Variants in ASL observed in about 807,000 individuals in gnomAD.
ASL encodes the protein argininosuccinase.
In ASL, 51 loss-of-function variants were observed where a neutral mutation model predicts 69.1. The observed-to-expected ratio is 0.74, with a 90% CI of 0.59 to 0.93. The LOEUF (loss-of-function observed/expected upper bound fraction) is 0.93, where lower values mean the gene tolerates loss of function less well. ASL is among the 40% of genes least tolerant of loss of function. The pLI is 0.00. For synonymous variants in ASL, 241 were observed against 247.6 expected (o/e 0.97, Z 0.25); for missense variants, 540 against 623.9 (o/e 0.87, Z 1.43).
chr7:66,088,746 C>T, intron 10 of ASL, 61 bp from the exon 11 acceptor site: 8 of 1,447,446 alleles, frequency 5.5e-6, no homozygotes, highest in Admixed American at 1.8e-5. Flanking sequence ...CTCCTGCCCC[C>T]TGTATGGTCA....
intron 3 of ASL, 95 bp from the exon 4 acceptor site, chr7:66,082,272 AG>A: frequency 7.6e-7 from 1 of 1,315,178 alleles, no homozygotes; most frequent in Non-Finnish European, 1.1e-6. Flanking sequence ...GGGCAGGGAC[AG>A]TCAGTCACCA....
chr7:66,087,474 G>A, intron 9 of ASL, 88 bp downstream of exon 9: 1 of 1,488,132 alleles, frequency 6.7e-7, no homozygotes, highest in East Asian at 2.3e-5. Context: ...GAGGGCAGGG[G>A]CCTGTGGCTC....
Position 66,092,898 on chromosome 7 carries a change from G to C in ASL, c.1381G>C (p.Ala461Pro), listed in dbSNP as rs764083025. 11 of 1,608,446 alleles carry C rather than the reference G, an allele frequency of 6.8e-6. No individual in the cohort carries two copies. The highest frequency in any genetic ancestry group is 8.5e-6 in the Non-Finnish European group (10 of 1,179,824). Residue 461 changes from alanine to proline, a missense_variant, in exon 17 of 17, where the codon GCA (alanine) becomes CCA (proline). Physicochemically the swap from Ala to Pro is conservative, Grantham distance 27. Coordinates refer to ENST00000304874, the MANE Select transcript of ASL (RefSeq NM_000048.4). ...CCGCCAGGTGCGGGCGCTACTGCAGGCACAGCAGGCCTAGGTCCTCCCACA... is the reference window on the plus strand; with the variant it reads ...CCGCCAGGTGCGGGCGCTACTGCAGCCACAGCAGGCCTAGGTCCTCCCACA... The part of the protein sequence containing the change: ...QIRQVRALLQ[A>P]QQA
Position 66,086,816 on chromosome 7 carries a change from G to C in ASL, c.597G>C (p.Leu199=), listed in dbSNP as rs1268487200. 1 of 1,575,714 alleles carries C rather than the reference G, an allele frequency of 6.3e-7. No individual in the cohort carries two copies. The highest frequency in any genetic ancestry group is 8.6e-7 in the Non-Finnish European group (1 of 1,161,234). ...EVRKRINVLP[L]GSGAIAGNPL... is the part of the protein sequence containing the mutation. ...GGAAGCGGATCAATGTCCTGCCCCT[G>C]GGGAGGTGGGTGAGGCTCCAGTGCC... Residue 199 remains leucine, a synonymous_variant, in exon 8 of 17, where the codon CTG becomes CTC. Transcript: ENST00000304874.
rs727503811 is a variant in ASL, at chr7:66,086,641, G to T, written c.503G>T (p.Arg168Leu). The change falls in exon 7 of 17, where the codon CGC becomes CTC. Residue 168 changes from arginine to leucine, a missense_variant. Transcript: ENST00000304874. ...YTHLQRAQPI[R>L]WSHWILSHAV... The stretch of plus-strand genomic sequence containing the variant: ...CATTTGCAGAGGGCCCAGCCCATCC[G>T]CTGGAGCCACTGGATTCTGAGGTGA... The T allele has an allele frequency of 1.2e-6, 2 of 1,613,834 alleles. No homozygotes were observed. The highest frequency in any genetic ancestry group is 1.1e-5 in the South Asian group (1 of 91,082).
At chr7:66,082,247 C>T in intron 3 of ASL, 121 bp from the exon 4 acceptor site, 1 of 1,192,738 alleles carries the variant, frequency 8.4e-7, no homozygotes, top group Non-Finnish European at 1.2e-6. Context: ...GGTGCGCTTC[C>T]AGGACTCAGC....
At chr7:66,081,556 G>T (rs947918044) in intron 2 of ASL, among the ~76,000 whole-genome samples, 1 of 151,090 alleles carries the variant, frequency 6.6e-6, no homozygotes, top group South Asian at 2.1e-4. Context: ...CTCCAGCCTG[G>T]CCGACAAAGT....
intron 2 of ASL, among the ~76,000 whole-genome samples, chr7:66,080,501 T>A (rs2115683083): frequency 6.6e-6 from 1 of 150,642 alleles, no homozygotes; most frequent in East Asian, 2.0e-4. Flanking sequence ...GGTCAGGGGA[T>A]CACCTGAGAT....
At chr7:66,081,776 A>G in intron 2 of ASL, 27 bp from the exon 3 acceptor site, 1 of 1,608,572 alleles carries the variant, frequency 6.2e-7, no homozygotes, top group Non-Finnish European at 8.5e-7. Flanking sequence ...TGGAGGAGAG[A>G]CTAATTGTTC....
intron 13 of ASL, 68 bp from the exon 14 acceptor site, chr7:66,089,544 G>T (rs1270910533): frequency 6.4e-7 from 1 of 1,551,440 alleles, no homozygotes; most frequent in Non-Finnish European, 8.9e-7. Flanking sequence ...CAGTGGGGGG[G>T]TGGGGCTGTG....
At chr7:66,092,172 C>G (rs1173311500) in intron 15 of ASL, 86 bp downstream of exon 15, 2 of 1,506,842 alleles carry the variant, frequency 1.3e-6, no homozygotes, top group East Asian at 4.5e-5. Flanking sequence ...GTGCAAGCGG[C>G]CCAGCCTGGT....
At chr7:66,091,802 A>C in intron 14 of ASL, 1 of 609,444 alleles carries the variant, frequency 1.6e-6, no homozygotes. Flanking sequence ...AGTAAAACAT[A>C]CAGGCCAGTA....
intron 2 of ASL, 99 bp from the exon 3 acceptor site, chr7:66,081,704 T>A (rs752589473): frequency 5.8e-6 from 8 of 1,388,764 alleles, no homozygotes; most frequent in Non-Finnish European, 5.9e-6. Flanking sequence ...CTGATGCCCC[T>A]GCTACCATCA....
At position 66,091,658 on chromosome 7, in the gene ASL, G is replaced by A. The variant is rs544429967; in HGVS notation, c.1063-348G>A. 1.5e-5 allele frequency: 5 copies of A among 323,090 alleles called. No homozygotes were observed. The East Asian group carries it at 2.2e-4, about 14-fold the overall frequency. The allele number at this position is 323,090 out of a possible 1,614,324, so 20.0% of individuals were successfully genotyped here. A position where few individuals can be genotyped will look rare whatever the true frequency, so the allele number is the denominator to read the frequency against. ...CTGGAAGATCCCTTGAGTCCAGGCT[G>A]CAGAGGGCTATAATGGCCACTGCAC... On this transcript the variant is annotated intron_variant, in intron 14 of 16. Transcript: ENST00000304874.
In ASL at chr7:66,086,251, C is replaced by T. The variant is rs186589006; in HGVS notation, c.447-334C>T. On this transcript the variant is annotated intron_variant, in intron 6 of 16. Transcript: ENST00000304874. ...TAGGGTCCTCAAACGAAACCTCCCA[C>T]GGCCAAGTCATACCCAACATGGGCC... Among the ~76,000 whole-genome samples the T allele has an allele frequency of 4.6e-5, 7 of 152,276 alleles. No homozygotes were observed. The East Asian group carries it at 9.7e-4, about 21-fold the overall frequency.
intron 8 of ASL, 76 bp downstream of exon 8, chr7:66,086,897 A>G (rs1786681312): frequency 6.7e-7 from 1 of 1,499,028 alleles, no homozygotes; most frequent in African/African-American, 1.4e-5. Context: ...CAGAGCTGGG[A>G]AGTGCAGAGT....
At chr7:66,080,216 G>GAA (rs1195022034) in intron 2 of ASL, among the ~76,000 whole-genome samples, 49 of 144,400 alleles carry the variant, frequency 3.4e-4, no homozygotes, top group African/African-American at 1.2e-3. Flanking sequence ...CGTCTCTACT[G>GAA]AAAAAAAAAA....
intron 14 of ASL, chr7:66,091,615 C>G (rs1786844927): frequency 7.2e-6 from 2 of 276,354 alleles, no homozygotes; most frequent in Non-Finnish European, 1.4e-5. Context: ...GTAGTCCCAG[C>G]TACTTGGGAG....
At chr7:66,091,029 T>C (rs546638357) in intron 14 of ASL, among the ~76,000 whole-genome samples, 1 of 139,054 alleles carries the variant, frequency 7.2e-6, no homozygotes, top group African/African-American at 2.7e-5. Flanking sequence ...ACCCGGGAGA[T>C]GGAGACTGCA....
Sources: allele counts gnomAD v4.1 joint callset (sites outside exome capture counted in the v4.1 genomes callset), GRCh38; gene constraint gnomAD v4.1.1; transcripts MANE v1.5; gene names NCBI Gene and HGNC (gene_info 2026-07-23, HGNC 2026-07-21).